KCNT2: variants seen among roughly 807,000 people sequenced by gnomAD.
KCNT2 encodes potassium channel subfamily T member 2.
A neutral mutation model predicts 153.8 loss-of-function variants in KCNT2; 67 were observed. The observed-to-expected ratio is 0.44, with a 90% CI of 0.36 to 0.53. KCNT2 has a LOEUF of 0.53. Ranked by LOEUF, KCNT2 falls within the 20% of genes least tolerant of loss-of-function variation. The pLI, the probability that KCNT2 is intolerant of heterozygous loss-of-function variation, is 0.00. For missense variants in KCNT2, 975 were observed against 1,354.8 expected (o/e 0.72, Z 4.40); for synonymous variants, 500 against 458.8 (o/e 1.09, Z -1.15).
At chr1:196,357,542 G>C (rs756919267) in intron 14 of KCNT2, among the ~76,000 whole-genome samples, 3 of 151,824 alleles carry the variant, frequency 2.0e-5, no homozygotes, top group Non-Finnish European at 4.4e-5. Flanking sequence ...TAAATTTTAG[G>C]AATCATTGGT....
intron 25 of KCNT2, among the ~76,000 whole-genome samples, chr1:196,262,477 G>C (rs1033161335): frequency 6.6e-6 from 1 of 151,910 alleles, no homozygotes; most frequent in African/African-American, 2.4e-5. Flanking sequence ...AAATGTGCTA[G>C]TTTAACATTT....
At chr1:196,232,098 T>C (rs529384106) in intron 27 of KCNT2, among the ~76,000 whole-genome samples, 30 of 151,846 alleles carry the variant, frequency 2.0e-4, no homozygotes, top group Non-Finnish European at 3.7e-4. Context: ...ACACTGAGTC[T>C]ATTTTCTTTG....
chr1:196,563,509 C>G (rs954261555), intron 1 of KCNT2, among the ~76,000 whole-genome samples: 1 of 148,774 alleles, frequency 6.7e-6, no homozygotes, highest in Admixed American at 6.7e-5. Context: ...GCAAATACTT[C>G]TAAACTCATC....
intron 1 of KCNT2, among the ~76,000 whole-genome samples, chr1:196,577,032 T>G (rs970057330): frequency 1.3e-5 from 2 of 152,154 alleles, no homozygotes; most frequent in East Asian, 3.9e-4. Flanking sequence ...CAAAGAAATT[T>G]TGTTTTCTTT....
intron 14 of KCNT2, among the ~76,000 whole-genome samples, chr1:196,350,930 A>T (rs867663540): frequency 2.0e-5 from 3 of 152,178 alleles, no homozygotes; most frequent in Middle Eastern, 3.2e-3. Flanking sequence ...ATGGCTAGCC[A>T]GTTTTCCCAG....
intron 1 of KCNT2, among the ~76,000 whole-genome samples, chr1:196,538,804 C>CAAAA (rs1431594547): frequency 6.6e-6 from 1 of 152,160 alleles, no homozygotes; most frequent in East Asian, 1.9e-4. Flanking sequence ...ACTCAATTTT[C>CAAAA]CATGGATGAT....
intron 3 of KCNT2, among the ~76,000 whole-genome samples, chr1:196,486,770 G>A (rs1260584744): frequency 1.3e-5 from 2 of 151,002 alleles, no homozygotes; most frequent in Non-Finnish European, 1.5e-5. Context: ...AAAACAGGAG[G>A]GTAAATTATA....
At chr1:196,398,262 G>T (rs902907530) in intron 13 of KCNT2, among the ~76,000 whole-genome samples, 1 of 151,288 alleles carries the variant, frequency 6.6e-6, no homozygotes, top group Admixed American at 6.6e-5. Flanking sequence ...TGAAATTTGT[G>T]TCTATATTAT....
intron 1 of KCNT2, among the ~76,000 whole-genome samples, chr1:196,500,483 G>C (rs1315949002): frequency 6.6e-6 from 1 of 152,134 alleles, no homozygotes; most frequent in Admixed American, 6.5e-5. Context: ...GAGAATTCTA[G>C]AACATTTGTA....
chr1:196,305,079 T>A (rs1006241323), intron 22 of KCNT2, among the ~76,000 whole-genome samples, 155 bp downstream of exon 22: 9 of 152,196 alleles, frequency 5.9e-5, no homozygotes, highest in Non-Finnish European at 1.3e-4. Flanking sequence ...TTCACATTTT[T>A]AAAAAAATTA....
chr1:196,297,044 T>C (rs1438518295), intron 22 of KCNT2, among the ~76,000 whole-genome samples: 1 of 152,060 alleles, frequency 6.6e-6, no homozygotes, highest in African/African-American at 2.4e-5. Context: ...GATACTTTCT[T>C]TTTTGTGACT....
At chr1:196,358,955 G>A (rs907537605) in intron 14 of KCNT2, among the ~76,000 whole-genome samples, 3 of 151,942 alleles carry the variant, frequency 2.0e-5, no homozygotes, top group Admixed American at 2.0e-4. Flanking sequence ...AAAGCAAAAA[G>A]AAATTAGACT....
At chr1:196,426,031 T>C (rs761973273) in intron 10 of KCNT2, 43 bp from the exon 11 acceptor site, 1 of 1,503,738 alleles carries the variant, frequency 6.7e-7, no homozygotes, top group Non-Finnish European at 9.2e-7. Context: ...ACAAAAATGT[T>C]TTATGTTACA....
intron 26 of KCNT2, among the ~76,000 whole-genome samples, chr1:196,250,115 T>C (rs1169138907): frequency 6.6e-6 from 1 of 152,052 alleles, no homozygotes; most frequent in East Asian, 1.9e-4. Flanking sequence ...AAAATTTATA[T>C]GGTACCACAA....
At chr1:196,377,456 T>C (rs1465073052) in intron 13 of KCNT2, among the ~76,000 whole-genome samples, 1 of 151,948 alleles carries the variant, frequency 6.6e-6, no homozygotes, top group Non-Finnish European at 1.5e-5. Flanking sequence ...ACTGTAGAAA[T>C]ACATCAATAA....
At chr1:196,380,768 C>T (rs930628921) in intron 13 of KCNT2, among the ~76,000 whole-genome samples, 2 of 152,128 alleles carry the variant, frequency 1.3e-5, no homozygotes, top group African/African-American at 4.8e-5. Context: ...ATTCTATTTG[C>T]AAGCAAGAGT....
chr1:196,371,859 T>C (rs1396563059), intron 14 of KCNT2, among the ~76,000 whole-genome samples: 1 of 152,082 alleles, frequency 6.6e-6, no homozygotes, highest in Non-Finnish European at 1.5e-5. Flanking sequence ...ATGGGACTTA[T>C]TTTATCACTC....
intron 13 of KCNT2, among the ~76,000 whole-genome samples, chr1:196,378,421 T>C (rs2148354416): frequency 6.6e-6 from 1 of 152,226 alleles, no homozygotes; most frequent in East Asian, 1.9e-4. Context: ...TTGAGCTGGA[T>C]GTGTCATTTG....
chr1:196,236,078 A>T lies in KCNT2; in HGVS notation c.3212-8T>A, dbSNP rs756360956. 2.0e-6 allele frequency: 3 copies of T among 1,506,130 alleles called. No homozygotes were observed. The highest frequency in any genetic ancestry group is 2.8e-6 in the Non-Finnish European group (3 of 1,082,968). 93.3% of individuals were successfully genotyped at this position (1,506,130 alleles called of 1,614,324 possible). On this transcript the variant is annotated splice_region_variant and splice_polypyrimidine_tract_variant and intron_variant, in intron 26 of 27. Transcript: ENST00000294725. ...GATGATCATTCATTTCATCTAGAAGATAAATAAATGCCAAGTTTGTTATAC... is the reference window on the plus strand; with the variant it reads ...GATGATCATTCATTTCATCTAGAAGTTAAATAAATGCCAAGTTTGTTATAC...
Sources: allele counts gnomAD v4.1 joint callset (sites outside exome capture counted in the v4.1 genomes callset), GRCh38; gene constraint gnomAD v4.1.1; transcripts MANE v1.5; gene names NCBI Gene and HGNC (gene_info 2026-07-23, HGNC 2026-07-21).